The following PEX5L variants were observed in gnomAD, a reference collection of about 807,000 sequenced individuals.
PEX5L encodes the protein peroxisomal biogenesis factor 5 like, also known as PEX5-related protein.
PEX5L carries 30 observed loss-of-function variants against 84.0 expected under a neutral mutation model. The observed-to-expected ratio is 0.36, with a 90% CI of 0.27 to 0.48. PEX5L has a LOEUF of 0.48. Ranked by LOEUF, PEX5L falls within the 20% of genes least tolerant of loss-of-function variation. The probability of loss-of-function intolerance (pLI) is 0.99; values close to 1 mark genes in which losing one functional copy is unlikely to be tolerated. For synonymous variants in PEX5L, 270 were observed against 283.1 expected, an observed-to-expected ratio of 0.95 and a Z score of 0.46; for missense variants, 533 against 754.6, an observed-to-expected ratio of 0.71 and a Z score of 3.44.
intron 1 of PEX5L, among the ~76,000 whole-genome samples, chr3:179,976,874 A>G (rs1317520646): frequency 6.6e-6 from 1 of 152,242 alleles, no homozygotes; most frequent in Non-Finnish European, 1.5e-5. Flanking sequence ...GATCATGTTT[A>G]TAATTCATGA....
chr3:179,882,470 A>G lies in PEX5L; in HGVS notation c.311-2347T>C, dbSNP rs558629224. Among the ~76,000 whole-genome samples the G allele has an allele frequency of 2.0e-5, 3 of 152,340 alleles. No homozygotes were observed. The East Asian group carries it at 5.8e-4, about 29-fold the overall frequency. ...TGAAACAAATGCTTGGCACACACAG[A>G]AAGCCTAATTGGTTACCCAGCTGAT... On this transcript the variant is annotated intron_variant, in intron 4 of 14. Transcript: ENST00000467460.
chr3:179,866,079 A>C (rs186535037), intron 7 of PEX5L, among the ~76,000 whole-genome samples: 2 of 152,164 alleles, frequency 1.3e-5, no homozygotes, highest in Non-Finnish European at 2.9e-5. Context: ...CCAAAGAAGA[A>C]AGCATTAAGT....
intron 1 of PEX5L, among the ~76,000 whole-genome samples, chr3:180,016,054 TG>T (rs1211805596): frequency 2.6e-5 from 4 of 151,970 alleles, no homozygotes; most frequent in African/African-American, 9.7e-5. Flanking sequence ...ATGACTGATT[TG>T]GGGAAAAAAC....
At chr3:179,814,884 CCTCTT>C in intron 10 of PEX5L, among the ~76,000 whole-genome samples, 1 of 152,254 alleles carries the variant, frequency 6.6e-6, no homozygotes, top group East Asian at 1.9e-4. Flanking sequence ...CTCCCCTCTT[CCTCTT>C]AACAGGATGC....
chr3:179,974,266 G>A (rs1319409939), intron 1 of PEX5L: 3 of 880,456 alleles, frequency 3.4e-6, no homozygotes, highest in Admixed American at 6.2e-5. Flanking sequence ...AGTGTGAGGG[G>A]GCAGGGCTTC....
chr3:179,820,556 A>G (rs1438666394), intron 8 of PEX5L: 2 of 152,350 alleles, frequency 1.3e-5, no homozygotes, highest in Non-Finnish European at 2.9e-5. Flanking sequence ...TGCTGGTGCT[A>G]AAGAATGAGG....
intron 2 of PEX5L, chr3:179,902,549 T>A: frequency 3.1e-6 from 1 of 322,768 alleles, no homozygotes; most frequent in Non-Finnish European, 6.2e-6. Context: ...GTATTTCATA[T>A]ATATACAAAC....
chr3:179,874,670 A>T (rs1285322795), intron 6 of PEX5L, among the ~76,000 whole-genome samples: 5 of 150,248 alleles, frequency 3.3e-5, no homozygotes, highest in African/African-American at 1.2e-4. Context: ...GGCAAAAAGT[A>T]AATAAATGCA....
chr3:179,969,230 T>C (rs372062640), intron 2 of PEX5L, among the ~76,000 whole-genome samples: 2 of 152,152 alleles, frequency 1.3e-5, no homozygotes, highest in Non-Finnish European at 2.9e-5. Flanking sequence ...CTGAAAAATC[T>C]ACTTGCAGTT....
intron 9 of PEX5L, among the ~76,000 whole-genome samples, chr3:179,818,826 G>C (rs1204928604): frequency 6.7e-6 from 1 of 150,290 alleles, no homozygotes; most frequent in Non-Finnish European, 1.5e-5. Flanking sequence ...TTGTATATAT[G>C]TACCACATTT....
intron 1 of PEX5L, among the ~76,000 whole-genome samples, chr3:179,982,676 A>G (rs1786440484): frequency 6.6e-6 from 1 of 152,140 alleles, no homozygotes; most frequent in African/African-American, 2.4e-5. Flanking sequence ...TATTGGTAAT[A>G]TACTGAGAGA....
At chr3:179,975,021 A>C (rs1352656495) in intron 1 of PEX5L, among the ~76,000 whole-genome samples, 2 of 151,934 alleles carry the variant, frequency 1.3e-5, no homozygotes, top group African/African-American at 2.4e-5. Flanking sequence ...ACATAGCAAA[A>C]CCTCATCTCT....
At chr3:180,005,727 T>TC (rs1454491410) in intron 1 of PEX5L, among the ~76,000 whole-genome samples, 3 of 117,912 alleles carry the variant, frequency 2.5e-5, no homozygotes, top group African/African-American at 1.5e-4. Flanking sequence ...AGACTCTGTC[T>TC]CAAAAAAAAA....
At chr3:180,023,885 A>C (rs557625226) in intron 1 of PEX5L, among the ~76,000 whole-genome samples, 1 of 147,550 alleles carries the variant, frequency 6.8e-6, no homozygotes, top group Non-Finnish European at 1.5e-5. Context: ...AGCCATACCT[A>C]GCACCTTGGT....
intron 3 of PEX5L, among the ~76,000 whole-genome samples, chr3:179,890,011 G>C (rs1275653444): frequency 6.6e-6 from 1 of 152,138 alleles, no homozygotes; most frequent in African/African-American, 2.4e-5. Context: ...TATGATTAGT[G>C]TCCCAGAATC....
rs9854791 is a variant in PEX5L at position 179,994,075 on chromosome 3, T to C, written c.22-22410A>G. Among the ~76,000 whole-genome samples, 1,345 of 152,310 alleles carry C rather than the reference T, an allele frequency of 8.8e-3. 19 individuals carry two copies. The highest frequency in any genetic ancestry group is 0.031 in the African/African-American group (1,283 of 41,562). On this transcript the variant is annotated intron_variant, in intron 1 of 14. Transcript: ENST00000467460. ...TATGTGTAGTTCCACAATGTCACTT[T>C]CAATGTCTGTGTAGTGTTACATAGT...
rs572607533 is a variant in PEX5L at position 179,936,567 on chromosome 3, T to G, written c.93+35027A>C. On this transcript the variant is annotated intron_variant, in intron 2 of 14. Coordinates refer to ENST00000467460, the MANE Select transcript of PEX5L (RefSeq NM_016559.3). Reference sequence around the variant, plus strand: ...TTATGTTGATTCTGAGTAACTTAATTCTGCCCTGTTAACTTTCCAGATAAA... The same window carrying G: ...TTATGTTGATTCTGAGTAACTTAATGCTGCCCTGTTAACTTTCCAGATAAA... 4.4e-4 allele frequency among the ~76,000 whole-genome samples: 16 copies of G among 36,554 alleles called. 4 individuals carry two copies. The highest frequency in any genetic ancestry group is 1.6e-3 in the African/African-American group (16 of 9,812). The allele number at this position is 36,554 out of a possible 152,430, so 24.0% of individuals were successfully genotyped here.
intron 1 of PEX5L, among the ~76,000 whole-genome samples, chr3:180,014,970 T>C (rs1234322461): frequency 6.6e-6 from 1 of 152,226 alleles, no homozygotes; most frequent in Admixed American, 6.5e-5. Flanking sequence ...ACCATTTTAT[T>C]CAGCACTGAC....
Position 179,795,310 on chromosome 3 carries a change from A to C in PEX5L, c.*6518T>G, listed in dbSNP as rs1393061106. On this transcript the variant is annotated 3_prime_UTR_variant, in exon 15 of 15. Coordinates refer to ENST00000467460, the MANE Select transcript of PEX5L (RefSeq NM_016559.3). ...AATATAAATACAATTTAATAATGTG[A>C]AAAAGGGAAGGCATGCTTCCAATAA... The C allele has an allele frequency of 2.6e-5, 4 of 152,226 alleles. No individual in the cohort carries two copies. The highest frequency in any genetic ancestry group is 9.6e-5 in the African/African-American group (4 of 41,466). The allele number at this position is 152,226 out of a possible 1,614,324, so 9.4% of individuals were successfully genotyped here.
Sources: gnomAD v4.1 joint callset for allele counts (sites outside exome capture counted in the v4.1 genomes callset) on GRCh38, gnomAD v4.1.1 for gene constraint, MANE v1.5 for transcripts, NCBI Gene and HGNC (gene_info 2026-07-23, HGNC 2026-07-21) for gene names.